ZBED4: variants seen among roughly 807,000 people sequenced by gnomAD.
ZBED4 encodes the protein zinc finger BED domain-containing protein 4.
A neutral mutation model predicts 15.5 loss-of-function variants in ZBED4; 4 were observed. That is an observed-to-expected ratio of 0.26 (90% confidence interval 0.13 to 0.59). The LOEUF (loss-of-function observed/expected upper bound fraction) is 0.59. Ranked by LOEUF, ZBED4 falls within the 20% of genes least tolerant of loss-of-function variation. The pLI is 0.90. For synonymous variants in ZBED4, 692 were observed against 608.5 expected, an observed-to-expected ratio of 1.14 and a Z score of -2.02; for missense variants, 1,323 against 1,461.8, an observed-to-expected ratio of 0.91 and a Z score of 1.55.
chr22:49,887,222 C>T lies in ZBED4; in HGVS notation c.*44C>T, dbSNP rs200780514. On this transcript the variant is annotated 3_prime_UTR_variant, in exon 2 of 2. Coordinates refer to ENST00000216268, the MANE Select transcript of ZBED4 (RefSeq NM_014838.3). Reference sequence around the variant, plus strand: ...TAGGCCAGAGGCGTGGCTGCCCCAGCGTTAGCAGCCTGTACCAGGTCTATG... The same window carrying T: ...TAGGCCAGAGGCGTGGCTGCCCCAGTGTTAGCAGCCTGTACCAGGTCTATG... 26 of 1,559,278 alleles carry T rather than the reference C, an allele frequency of 1.7e-5. No homozygotes were observed. In the African/African-American group the frequency reaches 2.2e-4, roughly 13 times the overall value.
rs117892571 is a variant in ZBED4, at chr22:49,873,014, A to G, written c.-329-10320A>G. Among the ~76,000 whole-genome samples the G allele has an allele frequency of 4.5e-3, 680 of 152,230 alleles. 5 individuals are homozygous for G. Among genetic ancestry groups the G allele is most frequent in the Middle Eastern group, 0.027 (8 of 294 alleles). On this transcript the variant is annotated intron_variant, in intron 1 of 1. Transcript: ENST00000216268. Reference sequence around the variant, plus strand: ...CCCAGCCAATGTTTTAATTTTTTGTAGAGCTGGGGTTTTGCCATGTTGCCC... The same window carrying G: ...CCCAGCCAATGTTTTAATTTTTTGTGGAGCTGGGGTTTTGCCATGTTGCCC...
rs1054202373 is a variant in ZBED4, at chr22:49,884,874, A to T, written c.1212A>T (p.Gly404=). ...TEDLQSHLNP[G]DGLMEDVAAF... is the part of the protein sequence containing the mutation. The stretch of plus-strand genomic sequence containing the variant: ...ACTTGCAGTCTCACTTGAACCCTGG[A>T]GATGGGCTGATGGAAGACGTGGCGG... Residue 404 remains glycine (G), a synonymous_variant, in exon 2 of 2, where the codon GGA becomes GGT. Coordinates refer to ENST00000216268, the MANE Select transcript of ZBED4 (RefSeq NM_014838.3). The T allele has an allele frequency of 1.1e-5, 17 of 1,606,438 alleles. No individual in the cohort carries two copies. The highest frequency in any genetic ancestry group is 1.4e-5 in the Non-Finnish European group (17 of 1,174,480).
At position 49,885,488 on chromosome 22, in the gene ZBED4, G is replaced by C. The variant is rs756638938; in HGVS notation, c.1826G>C (p.Ser609Thr). 1.2e-6 allele frequency: 2 copies of C among 1,611,918 alleles called. No homozygotes were observed. The highest frequency in any genetic ancestry group is 8.5e-7 in the Non-Finnish European group (1 of 1,178,192). The change falls in exon 2 of 2, where the codon AGC (serine) becomes ACC (threonine). Residue 609 changes from serine (S) to threonine (T), a missense_variant. Coordinates refer to ENST00000216268, the MANE Select transcript of ZBED4 (RefSeq NM_014838.3). ...CTGAGACATTTACAGCGGTTCCATA[G>C]CAACGTGCTGAAAACTGAGGTCTCG... ...CLLRHLQRFH[S>T]NVLKTEVSET... is the part of the protein sequence containing the mutation.
rs949003382 is a variant in ZBED4 at position 49,884,152 on chromosome 22, G to A, written c.490G>A (p.Ala164Thr). 1.2e-6 allele frequency: 2 copies of A among 1,613,520 alleles called. No homozygotes were observed. Among genetic ancestry groups the A allele is most frequent in the Non-Finnish European group, 1.7e-6 (2 of 1,179,824 alleles). ...TSCLMRHVRR[A>T]HPTVLIQENG... is the part of the protein sequence containing the mutation. The stretch of plus-strand genomic sequence containing the variant: ...TTGTCTCATGAGGCACGTGAGGCGC[G>A]CACACCCGACCGTGCTCATTCAGGA... The change falls in exon 2 of 2, where the codon GCA becomes ACA. Residue 164 changes from alanine (A) to threonine (T), a missense_variant. Physicochemically the swap from Ala to Thr is moderately conservative, Grantham distance 58 (BLOSUM62 0). Around this residue, in one of 6 missense-constraint regions of ZBED4, gnomAD observed 380 missense variants for 413.7 expected, o/e 0.92. Coordinates refer to ENST00000216268, the MANE Select transcript of ZBED4 (RefSeq NM_014838.3).
chr22:49,878,885 A>T (rs1332451845), intron 1 of ZBED4, among the ~76,000 whole-genome samples: 1 of 151,888 alleles, frequency 6.6e-6, no homozygotes, highest in Non-Finnish European at 1.5e-5. Flanking sequence ...TGGCTCATGC[A>T]TGTAACCCCA....
chr22:49,868,252 A>G (rs2060330707), intron 1 of ZBED4, among the ~76,000 whole-genome samples: 1 of 152,228 alleles, frequency 6.6e-6, no homozygotes, highest in Non-Finnish European at 1.5e-5. Flanking sequence ...TGGGGAAACT[A>G]AAAAATAAAA....
rs751578085 is a variant in ZBED4, at chr22:49,884,817, G to A, written c.1155G>A (p.Ser385=). 54 of 1,610,176 alleles carry A rather than the reference G, an allele frequency of 3.4e-5. No homozygotes were observed. Among genetic ancestry groups the A allele is most frequent in the Middle Eastern group, 1.6e-4 (1 of 6,066 alleles). ...SPVKPVRESP[S]ASSSPDRLTE... is the part of the protein sequence containing the mutation. The stretch of plus-strand genomic sequence containing the variant: ...TAAAGCCGGTCAGAGAGTCCCCTTC[G>A]GCCTCCTCCTCCCCTGACAGGCTGA... The change falls in exon 2 of 2, where the codon TCG becomes TCA. Residue 385 remains serine (S), a synonymous_variant. Coordinates refer to ENST00000216268, the MANE Select transcript of ZBED4 (RefSeq NM_014838.3).
chr22:49,869,614 C>G (rs1354299110), intron 1 of ZBED4, among the ~76,000 whole-genome samples: 1 of 152,116 alleles, frequency 6.6e-6, no homozygotes, highest in Non-Finnish European at 1.5e-5. Flanking sequence ...CATTGTTTCT[C>G]TTAAAAAGTC....
chr22:49,883,024 G>T (rs1008033056), intron 1 of ZBED4, among the ~76,000 whole-genome samples: 1 of 152,212 alleles, frequency 6.6e-6, no homozygotes, highest in Admixed American at 6.5e-5. Flanking sequence ...TGAACTGTTT[G>T]AAGGATGAGG....
At chr22:49,857,997 C>T (rs561094992) in intron 1 of ZBED4, among the ~76,000 whole-genome samples, 7 of 151,854 alleles carry the variant, frequency 4.6e-5, no homozygotes, top group African/African-American at 1.2e-4. Flanking sequence ...CTCCTGATCT[C>T]GTGATCCGTC....
chr22:49,853,753 G>C (rs1235594219), upstream of ZBED4: 4 of 149,310 alleles, frequency 2.7e-5, no homozygotes, highest in East Asian at 8.1e-4. Context: ...GCGGGTACGC[G>C]GACACTGCGC....
At chr22:49,858,388 G>A (rs1569156168) in intron 1 of ZBED4, among the ~76,000 whole-genome samples, 1 of 152,240 alleles carries the variant, frequency 6.6e-6, no homozygotes, top group Non-Finnish European at 1.5e-5. Context: ...GTCCCCGTCT[G>A]AACCAGGCCC....
intron 1 of ZBED4, among the ~76,000 whole-genome samples, chr22:49,868,719 G>A (rs1387743441): frequency 1.3e-5 from 2 of 152,166 alleles, no homozygotes; most frequent in African/African-American, 4.8e-5. Context: ...GCCTGGGTTA[G>A]TAATTCTGCA....
chr22:49,864,305 G>C (rs766234729), intron 1 of ZBED4, among the ~76,000 whole-genome samples: 8 of 152,210 alleles, frequency 5.3e-5, no homozygotes, highest in Non-Finnish European at 1.2e-4. Context: ...TTTATCTCTT[G>C]CTACAAACAT....
chr22:49,858,177 C>T (rs1408117993), intron 1 of ZBED4, among the ~76,000 whole-genome samples: 1 of 151,344 alleles, frequency 6.6e-6, no homozygotes, highest in Non-Finnish European at 1.5e-5. Context: ...GCTGGGATTA[C>T]AGGCGTGAGC....
In ZBED4 at chr22:49,874,002, G is replaced by C. The variant is rs188809186; in HGVS notation, c.-329-9332G>C. ...CCGTGCCGAGAACAAGAATGAGCTT[G>C]AGTCCTGTGACCTCTCTGAACTCTC... On this transcript the variant is annotated intron_variant, in intron 1 of 1. Coordinates refer to ENST00000216268, the MANE Select transcript of ZBED4 (RefSeq NM_014838.3). Among the ~76,000 whole-genome samples, 102 of 152,386 alleles carry C rather than the reference G, an allele frequency of 6.7e-4. 1 individual carries two copies. The highest frequency in any genetic ancestry group is 2.2e-3 in the African/African-American group (93 of 41,596).
chr22:49,884,251 G>C lies in ZBED4; in HGVS notation c.589G>C (p.Gly197Arg). The change falls in exon 2 of 2, where the codon GGT (glycine) becomes CGT (arginine). Residue 197 changes from glycine (G) to arginine (R), a missense_variant. Coordinates refer to ENST00000216268, the MANE Select transcript of ZBED4 (RefSeq NM_014838.3). ...GCTTCCACCACAGCCTGCGGACGCG[G>C]GTGACCTCAGCACCATCCTCTCACC... Reference protein sequence around the residue: ...LLLPPQPADAGDLSTILSPIK... With the variant: ...LLLPPQPADARDLSTILSPIK... 6.2e-7 allele frequency: 1 copy of C among 1,604,962 alleles called. No individual in the cohort carries two copies. The highest frequency in any genetic ancestry group is 1.1e-5 in the South Asian group (1 of 89,942).
rs1282128519 is a variant in ZBED4 at position 49,885,636 on chromosome 22, C to T, written c.1974C>T (p.Ile658=). 3.7e-6 allele frequency: 6 copies of T among 1,612,024 alleles called. No homozygotes were observed. In the South Asian group the frequency reaches 4.4e-5, roughly 12 times the overall value. The stretch of plus-strand genomic sequence containing the variant: ...ATTCTCACCCAGTTGCCAAAAAAAT[C>T]ACAAGTCTCATAGCTGAAATGATTG... ...FYDSHPVAKK[I]TSLIAEMIAL... Residue 658 remains isoleucine, a synonymous_variant, in exon 2 of 2, where the codon ATC becomes ATT. Transcript: ENST00000216268.
chr22:49,887,040 A>T lies in ZBED4; in HGVS notation c.3378A>T (p.Pro1126=), dbSNP rs9627781. 3.1e-6 allele frequency: 5 copies of T among 1,613,952 alleles called. No individual in the cohort carries two copies. In the East Asian group the frequency reaches 1.1e-4, roughly 36 times the overall value. The change falls in exon 2 of 2, where the codon CCA becomes CCT. Residue 1126 remains proline (P), a synonymous_variant. Coordinates refer to ENST00000216268, the MANE Select transcript of ZBED4 (RefSeq NM_014838.3). ...ALAVRFLGCP[P]SIVPSEKLFN... is the part of the protein sequence containing the mutation. ...CCGTCAGATTTTTGGGCTGCCCCCC[A>T]AGCATCGTCCCTTCAGAAAAGCTGT...
Sources: allele counts gnomAD v4.1 joint callset (sites outside exome capture counted in the v4.1 genomes callset), GRCh38; gene constraint gnomAD v4.1.1; regional missense constraint gnomAD v4.1.1; transcripts MANE v1.5; gene names NCBI Gene and HGNC (gene_info 2026-07-23, HGNC 2026-07-21).